The following KCNS3 variants were observed in gnomAD, a reference collection of about 807,000 sequenced individuals.
KCNS3 encodes potassium voltage-gated channel modifier subfamily S member 3.
Under a neutral mutation model 31.0 loss-of-function variants are expected in KCNS3, and 13 were observed. The observed-to-expected ratio is 0.42, with a 90% CI of 0.27 to 0.67. The LOEUF (loss-of-function observed/expected upper bound fraction) is 0.67, where lower values mean the gene tolerates loss of function less well. Among genes scored for constraint, KCNS3 ranks in the 30% least tolerant of loss-of-function variants. The probability of loss-of-function intolerance (pLI) is 0.25; values close to 1 mark genes in which losing one functional copy is unlikely to be tolerated. For missense variants in KCNS3, 545 were observed against 622.4 expected (o/e 0.88, Z 1.32); for synonymous variants, 238 against 241.5 (o/e 0.99, Z 0.13).
chr2:17,899,470 T>G (rs910346326), intron 1 of KCNS3, among the ~76,000 whole-genome samples: 3 of 152,168 alleles, frequency 2.0e-5, no homozygotes, highest in Non-Finnish European at 4.4e-5. Context: ...GAAACCTCAA[T>G]GAACAATTCT....
chr2:17,896,634 G>A (rs1292000163), intron 1 of KCNS3, among the ~76,000 whole-genome samples: 2 of 152,042 alleles, frequency 1.3e-5, no homozygotes, highest in East Asian at 3.9e-4. Flanking sequence ...TTCCCTTTGG[G>A]TAATTATACT....
chr2:17,931,128 A>C lies in KCNS3; in HGVS notation c.120A>C (p.Arg40Ser), dbSNP rs1662952066. 2 of 1,614,080 alleles carry C rather than the reference A, an allele frequency of 1.2e-6. No individual in the cohort carries two copies. The highest frequency in any genetic ancestry group is 1.7e-5 in the Admixed American group (1 of 60,000). ...QSTLLRFPHT[R>S]LGKLLTCHSE... is the part of the protein sequence containing the mutation. Reference sequence around the variant, plus strand: ...CCCTCCTGCGGTTTCCTCACACCAGACTGGGGAAGCTGCTTACTTGCCATT... The same window carrying C: ...CCCTCCTGCGGTTTCCTCACACCAGCCTGGGGAAGCTGCTTACTTGCCATT... The change falls in exon 3 of 3, where the codon AGA becomes AGC. Residue 40 changes from arginine (R) to serine (S), a missense_variant. Transcript: ENST00000304101. This position sits in a 1 kb window ranked among gnomAD's most constrained non-coding sequence, Gnocchi z 5.4.
At chr2:17,881,037 A>G (rs990923112) in intron 1 of KCNS3, among the ~76,000 whole-genome samples, 3 of 152,188 alleles carry the variant, frequency 2.0e-5, no homozygotes, top group African/African-American at 7.2e-5. Flanking sequence ...TATATATCAG[A>G]TACTCTGCTA....
At chr2:17,887,169 G>T (rs1396334774) in intron 1 of KCNS3, among the ~76,000 whole-genome samples, 1 of 150,342 alleles carries the variant, frequency 6.7e-6, no homozygotes, top group Non-Finnish European at 1.5e-5. Flanking sequence ...TTGGTTACAT[G>T]AGTAAGTTCT....
Position 17,892,658 on chromosome 2 carries a change from A to G in KCNS3, c.-252+13852A>G, listed in dbSNP as rs142413821. The stretch of plus-strand genomic sequence containing the variant: ...GATGTAGTACTCTCCCCCTTTTCCT[A>G]TGAATGTGGCTTCCTGTGAGCTGAA... On this transcript the variant is annotated intron_variant, in intron 1 of 2. Coordinates refer to ENST00000304101, the MANE Select transcript of KCNS3 (RefSeq NM_002252.5). Among the ~76,000 whole-genome samples, 818 of 152,076 alleles carry G rather than the reference A, an allele frequency of 5.4e-3. 7 individuals carry two copies. Among genetic ancestry groups the G allele is most frequent in the Non-Finnish European group, 8.9e-3 (608 of 67,984 alleles).
chr2:17,894,801 T>C (rs188586666), intron 1 of KCNS3, among the ~76,000 whole-genome samples: 4 of 152,322 alleles, frequency 2.6e-5, no homozygotes, highest in East Asian at 1.9e-4. Context: ...GCTGGGCTTG[T>C]TGGAGGGTGT....
chr2:17,929,728 T>C (rs1348557513), intron 2 of KCNS3, among the ~76,000 whole-genome samples: 1 of 152,214 alleles, frequency 6.6e-6, no homozygotes, highest in Non-Finnish European at 1.5e-5. Context: ...ATGCTTCACA[T>C]TGGATTATTA....
intron 1 of KCNS3, among the ~76,000 whole-genome samples, chr2:17,907,329 C>A (rs1415594564): frequency 6.6e-6 from 1 of 152,140 alleles, no homozygotes; most frequent in East Asian, 1.9e-4. Context: ...TTCCTCCATC[C>A]CTTTATTTTG....
At position 17,894,504 on chromosome 2, in the gene KCNS3, T is replaced by G. The variant is rs534671151; in HGVS notation, c.-252+15698T>G. On this transcript the variant is annotated intron_variant, in intron 1 of 2. Transcript: ENST00000304101. The stretch of plus-strand genomic sequence containing the variant: ...ACAAACCCTGTTCAGGCCATTCTAC[T>G]GTGACCTTCTTCAGATACCACCAAA... Among the ~76,000 whole-genome samples the G allele has an allele frequency of 6.2e-4, 94 of 152,386 alleles. No homozygotes were observed. The Middle Eastern group carries it at 0.017, about 28-fold the overall frequency.
intron 1 of KCNS3, among the ~76,000 whole-genome samples, chr2:17,913,240 A>G (rs966016008): frequency 7.2e-5 from 11 of 152,202 alleles, no homozygotes; most frequent in Non-Finnish European, 7.3e-5. Context: ...CTCAGATTTT[A>G]TTAAAAGTAG....
In KCNS3 at chr2:17,888,063, G is replaced by A. The variant is rs147585325; in HGVS notation, c.-252+9257G>A. 3.5e-3 allele frequency among the ~76,000 whole-genome samples: 537 copies of A among 151,818 alleles called. 5 individuals carry two copies. The highest frequency in any genetic ancestry group is 0.027 in the South Asian group (128 of 4,806). On this transcript the variant is annotated intron_variant, in intron 1 of 2. Coordinates refer to ENST00000304101, the MANE Select transcript of KCNS3 (RefSeq NM_002252.5). ...TGATTTGTTTGAGTTTGTTTTTGTC[G>A]TAGATTCTGGATATTAGTCCTTTGT...
chr2:17,888,629 GTATATATATATATA>G (rs70964021), intron 1 of KCNS3, among the ~76,000 whole-genome samples: 2,464 of 92,366 alleles, frequency 0.027, 72 homozygotes, highest in Non-Finnish European at 0.03. Context: ...TAAAAAAAAT[GTATATATATATATA>G]TATATATATA....
At position 17,922,134 on chromosome 2, in the gene KCNS3, A is replaced by G. The variant is rs542687980; in HGVS notation, c.-60+4263A>G. Among the ~76,000 whole-genome samples, 4 of 150,994 alleles carry G rather than the reference A, an allele frequency of 2.6e-5. No homozygotes were observed. The East Asian group carries it at 5.8e-4, about 22-fold the overall frequency. On this transcript the variant is annotated intron_variant, in intron 2 of 2. Coordinates refer to ENST00000304101, the MANE Select transcript of KCNS3 (RefSeq NM_002252.5). ...GTGGTGTTATTGACCATATTCCTCT[A>G]AAATATTTATTTTGTTCAGTAAAAT...
At chr2:17,927,646 C>T (rs1416947819) in intron 2 of KCNS3, among the ~76,000 whole-genome samples, 2 of 152,140 alleles carry the variant, frequency 1.3e-5, no homozygotes, top group Non-Finnish European at 2.9e-5. Context: ...ATAAAACCAT[C>T]AAATCTTGTG....
intron 1 of KCNS3, among the ~76,000 whole-genome samples, chr2:17,890,280 C>T (rs116780391): frequency 1.3e-3 from 202 of 152,140 alleles, no homozygotes; most frequent in Middle Eastern, 3.4e-3. Flanking sequence ...TTTCCTGCTT[C>T]GTTTCTTAGT....
chr2:17,892,340 A>T (rs1661879696), intron 1 of KCNS3, among the ~76,000 whole-genome samples: 1 of 149,766 alleles, frequency 6.7e-6, no homozygotes. Context: ...TTCTTGTATC[A>T]TTTGTTTTTT....
chr2:17,888,657 A>ATATATC (rs1661762225), intron 1 of KCNS3, among the ~76,000 whole-genome samples: 1 of 137,178 alleles, frequency 7.3e-6, no homozygotes, highest in Non-Finnish European at 1.6e-5. Context: ...ATATATATAT[A>ATATATC]TATATATATA....
chr2:17,923,269 T>C (rs1305289900), intron 2 of KCNS3, among the ~76,000 whole-genome samples: 2 of 152,204 alleles, frequency 1.3e-5, no homozygotes, highest in Non-Finnish European at 2.9e-5. Flanking sequence ...TATGTTTTCA[T>C]AGAAATGTCT....
chr2:17,885,721 T>G (rs909979276), intron 1 of KCNS3, among the ~76,000 whole-genome samples: 1 of 152,192 alleles, frequency 6.6e-6, no homozygotes, highest in African/African-American at 2.4e-5. Flanking sequence ...TAGAGGGCAG[T>G]CTGCTTTACT....
Sources: gnomAD v4.1 joint callset for allele counts (sites outside exome capture counted in the v4.1 genomes callset) on GRCh38, gnomAD v4.1.1 for gene constraint, Gnocchi (gnomAD v3.1) non-coding constraint, MANE v1.5 for transcripts, NCBI Gene and HGNC (gene_info 2026-07-23, HGNC 2026-07-21) for gene names.